The following GLIS3 variants were observed in gnomAD, a reference collection of about 807,000 sequenced individuals.
GLIS3 encodes zinc finger protein GLIS3.
Under a neutral mutation model 78.6 loss-of-function variants are expected in GLIS3, and 53 were observed. That is an observed-to-expected ratio of 0.67 (90% confidence interval 0.54 to 0.85). GLIS3 has a LOEUF of 0.85. Ranked by LOEUF, GLIS3 falls within the 40% of genes least tolerant of loss-of-function variation. The probability of loss-of-function intolerance (pLI) is 0.00; values close to 1 mark genes in which losing one functional copy is unlikely to be tolerated. For missense variants in GLIS3, 1,703 were observed against 1,231.1 expected (o/e 1.38, Z -5.74); for synonymous variants, 684 against 509.9 (o/e 1.34, Z -4.60).
At chr9:3,862,978 C>A (rs7032153) in intron 8 of GLIS3, among the ~76,000 whole-genome samples, 48 of 152,082 alleles carry the variant, frequency 3.2e-4, no homozygotes, top group Admixed American at 5.2e-4. Context: ...TTCATCTGTG[C>A]AAACTAATCA....
At chr9:4,199,707 G>C (rs1819191248) in intron 2 of GLIS3, among the ~76,000 whole-genome samples, 1 of 152,008 alleles carries the variant, frequency 6.6e-6, no homozygotes, top group Non-Finnish European at 1.5e-5. Context: ...TATAATAATA[G>C]TGGGGGACTT....
At chr9:4,035,445 C>T (rs182362302) in intron 4 of GLIS3, among the ~76,000 whole-genome samples, 24 of 151,378 alleles carry the variant, frequency 1.6e-4, no homozygotes. Flanking sequence ...TCTCGTATTC[C>T]ACCTTCTATC....
chr9:4,413,530 T>C, the GLIS3 span, among the ~76,000 whole-genome samples: 3 of 152,162 alleles, frequency 2.0e-5, no homozygotes, highest in African/African-American at 7.2e-5. Flanking sequence ...TTTCCACCTC[T>C]AAAGAATCAT....
chr9:4,250,088 G>A (rs1393220131), intron 2 of GLIS3, among the ~76,000 whole-genome samples: 1 of 152,032 alleles, frequency 6.6e-6, no homozygotes, highest in Non-Finnish European at 1.5e-5. Flanking sequence ...TTCTTTTTTT[G>A]TTGTATCTCT....
At chr9:4,261,939 C>T (rs1825571544) in intron 2 of GLIS3, among the ~76,000 whole-genome samples, 2 of 152,204 alleles carry the variant, frequency 1.3e-5, no homozygotes, top group Admixed American at 1.3e-4. Flanking sequence ...AAAGAGGGCT[C>T]TCCAGCAGAT....
chr9:3,850,173 A>T (rs1311819090), intron 9 of GLIS3, among the ~76,000 whole-genome samples: 1 of 152,216 alleles, frequency 6.6e-6, no homozygotes, highest in African/African-American at 2.4e-5. Flanking sequence ...GTGGTTATTA[A>T]AAATCACACA....
intron 2 of GLIS3, among the ~76,000 whole-genome samples, chr9:4,210,818 G>A (rs1259012211): frequency 6.6e-6 from 1 of 152,228 alleles, no homozygotes; most frequent in African/African-American, 2.4e-5. Flanking sequence ...TCATGGGCCT[G>A]CCCACTTCTG....
chr9:3,991,167 A>T (rs1270010034), intron 4 of GLIS3, among the ~76,000 whole-genome samples: 1 of 152,162 alleles, frequency 6.6e-6, no homozygotes, highest in Non-Finnish European at 1.5e-5. Flanking sequence ...TGCCAGACAT[A>T]TTGTAGGAGG....
chr9:4,029,173 T>C (rs1296371103), intron 4 of GLIS3, among the ~76,000 whole-genome samples: 1 of 152,146 alleles, frequency 6.6e-6, no homozygotes. Flanking sequence ...CCTTAAAAAC[T>C]ACCTGTGAAA....
the GLIS3 span, among the ~76,000 whole-genome samples, chr9:4,381,891 G>A: frequency 6.6e-6 from 1 of 152,140 alleles, no homozygotes; most frequent in Non-Finnish European, 1.5e-5. Flanking sequence ...GTGACCCAAG[G>A]TTCTGCTGGA....
the GLIS3 span, among the ~76,000 whole-genome samples, chr9:4,445,460 C>T: frequency 1.3e-5 from 2 of 152,052 alleles, no homozygotes; most frequent in Non-Finnish European, 1.5e-5. Context: ...GACCTAGTCT[C>T]TACAATAAAT....
chr9:3,894,310 ATG>A (rs1206546666), intron 7 of GLIS3, among the ~76,000 whole-genome samples: 2 of 152,346 alleles, frequency 1.3e-5, no homozygotes, highest in South Asian at 2.1e-4. Flanking sequence ...CTACTGGGAA[ATG>A]TGTGTGGTAG....
chr9:4,386,117 C>T, the GLIS3 span, among the ~76,000 whole-genome samples: 3 of 152,258 alleles, frequency 2.0e-5, no homozygotes, highest in South Asian at 6.2e-4. Flanking sequence ...TTTATTGTAA[C>T]AGCACATGTC....
chr9:4,203,949 A>T lies in GLIS3; in HGVS notation c.389-78008T>A, dbSNP rs557371018. Reference sequence around the variant, plus strand: ...AAGATGGCTACAATAGAAACTGAAGACTACTACAGTGGGGAAAGAGAAATG... The same window carrying T: ...AAGATGGCTACAATAGAAACTGAAGTCTACTACAGTGGGGAAAGAGAAATG... On this transcript the variant is annotated intron_variant, in intron 2 of 10. Coordinates refer to ENST00000381971, the MANE Select transcript of GLIS3 (RefSeq NM_001042413.2). Among the ~76,000 whole-genome samples the T allele has an allele frequency of 7.9e-5, 12 of 152,354 alleles. No homozygotes were observed. The South Asian group carries it at 2.5e-3, about 32-fold the overall frequency.
At chr9:4,007,742 C>T (rs942013959) in intron 4 of GLIS3, among the ~76,000 whole-genome samples, 1 of 152,038 alleles carries the variant, frequency 6.6e-6, no homozygotes, top group South Asian at 2.1e-4. Context: ...AATGTAATTA[C>T]AAAAGAAAGT....
At chr9:4,153,019 C>T (rs183726424) in intron 2 of GLIS3, among the ~76,000 whole-genome samples, 97 of 152,236 alleles carry the variant, frequency 6.4e-4, no homozygotes, top group Middle Eastern at 3.4e-3. Context: ...AGCAGGAGTG[C>T]TCTGTGCATT....
chr9:4,255,897 T>C (rs770496460), intron 2 of GLIS3, among the ~76,000 whole-genome samples: 1 of 152,178 alleles, frequency 6.6e-6, no homozygotes, highest in Non-Finnish European at 1.5e-5. Context: ...GTTCATCCAC[T>C]GTAACGAGTG....
chr9:4,380,777 G>A, the GLIS3 span, among the ~76,000 whole-genome samples: 6 of 152,338 alleles, frequency 3.9e-5, no homozygotes, highest in African/African-American at 1.4e-4. Flanking sequence ...AAAGGAGAAT[G>A]TGGATTTAAT....
intron 2 of GLIS3, among the ~76,000 whole-genome samples, chr9:4,130,946 T>G (rs1034531429): frequency 6.6e-6 from 1 of 152,144 alleles, no homozygotes; most frequent in Non-Finnish European, 1.5e-5. Flanking sequence ...CCACAAAGCC[T>G]CAGAAGCAGA....
Sources: gnomAD v4.1 joint callset for allele counts (sites outside exome capture counted in the v4.1 genomes callset) on GRCh38, gnomAD v4.1.1 for gene constraint, MANE v1.5 for transcripts, NCBI Gene and HGNC (gene_info 2026-07-23, HGNC 2026-07-21) for gene names.